The following TTLL6 variants were observed in gnomAD, a reference collection of about 807,000 sequenced individuals.
The protein encoded by TTLL6 is tubulin tyrosine ligase like 6, also known as tubulin polyglutamylase TTLL6.
A neutral mutation model predicts 96.4 loss-of-function variants in TTLL6; 75 were observed. That is an observed-to-expected ratio of 0.78 (90% CI 0.65 to 0.94). The LOEUF (loss-of-function observed/expected upper bound fraction) is 0.94. TTLL6 is among the 40% of genes least tolerant of loss of function. TTLL6 has a pLI of 0.00. For missense variants in TTLL6, 1,030 were observed against 1,093.0 expected (o/e 0.94, Z 0.81); for synonymous variants, 411 against 419.4 (o/e 0.98, Z 0.24).
At position 48,801,516 on chromosome 17, in the gene TTLL6, C is replaced by G; in HGVS notation, c.480+9G>C. On this transcript the variant is annotated intron_variant, in intron 4 of 15. Coordinates refer to ENST00000393382, the MANE Select transcript of TTLL6 (RefSeq NM_001130918.3). The stretch of plus-strand genomic sequence containing the variant: ...CACTTAAACCAAGGACCATCACTAG[C>G]CCAAATACCTGGTAACTTTTCATTT... 6.4e-7 allele frequency: 1 copy of G among 1,551,800 alleles called. No individual in the cohort carries two copies. Among genetic ancestry groups the G allele is most frequent in the Non-Finnish European group, 8.7e-7 (1 of 1,146,890 alleles).
chr17:48,779,631 TAAAC>T (rs937995509), intron 13 of TTLL6, among the ~76,000 whole-genome samples: 13 of 151,990 alleles, frequency 8.6e-5, no homozygotes, highest in African/African-American at 2.9e-4. Context: ...GACCATAAAA[TAAAC>T]AACCAAACAA....
intron 13 of TTLL6, among the ~76,000 whole-genome samples, chr17:48,776,971 G>A (rs2038884505): frequency 6.7e-6 from 1 of 148,946 alleles, no homozygotes; most frequent in Admixed American, 6.8e-5. Flanking sequence ...TTTCTATATA[G>A]GTTCAGTAAT....
rs149641326 is a variant in TTLL6 at position 48,785,056 on chromosome 17, G to C, written c.1907C>G (p.Ala636Gly). ...ASSVFPKLTS[A>G]KPFSSLPDLR... is the part of the protein sequence containing the mutation. ...ATCGGGTAGAGAACTGAAGGGCTTC[G>C]CAGACGTCAGCTTGGGGAAAACAGA... The change falls in exon 13 of 16, where the codon GCG becomes GGG. Residue 636 changes from alanine to glycine, a missense_variant. Ala to Gly is a moderately conservative substitution (Grantham distance 60). Transcript: ENST00000393382. 2.5e-6 allele frequency: 4 copies of C among 1,614,100 alleles called. No individual in the cohort carries two copies. The highest frequency in any genetic ancestry group is 2.5e-6 in the Non-Finnish European group (3 of 1,179,976).
chr17:48,805,447 A>C (rs958011512), intron 1 of TTLL6, among the ~76,000 whole-genome samples: 6 of 152,188 alleles, frequency 3.9e-5, no homozygotes, highest in Non-Finnish European at 8.8e-5. Flanking sequence ...CCTGAAAATA[A>C]ATGCAACTGC....
chr17:48,786,459 A>G, intron 11 of TTLL6, 124 bp from the exon 12 acceptor site: 1 of 1,092,604 alleles, frequency 9.2e-7, no homozygotes, highest in East Asian at 2.4e-5. Flanking sequence ...CTCCTCCAAC[A>G]TATCCAGTCT....
Position 48,797,104 on chromosome 17 carries a change from C to A in TTLL6, c.869G>T (p.Arg290Leu). ...RIFVYNEGLA[R>L]FATTSYSRPC... is the part of the protein sequence containing the mutation. ...GCGGGAGTAAGAGGTCGTCGCAAAG[C>A]GGGCCAGTCCTTCATTGTACACAAA... Residue 290 changes from arginine to leucine, a missense_variant, in exon 7 of 16, where the codon CGC (arginine) becomes CTC (leucine). Transcript: ENST00000393382. 1 of 1,551,396 alleles carries A rather than the reference C, an allele frequency of 6.4e-7. No homozygotes were observed.
intron 8 of TTLL6, among the ~76,000 whole-genome samples, chr17:48,795,392 G>T (rs2039299103): frequency 6.6e-6 from 1 of 151,450 alleles, no homozygotes; most frequent in African/African-American, 2.4e-5. Context: ...AAAGCACCAA[G>T]CACAGACCCC....
intron 13 of TTLL6, among the ~76,000 whole-genome samples, chr17:48,774,944 C>T (rs1257506325): frequency 1.3e-5 from 2 of 151,930 alleles, no homozygotes; most frequent in Non-Finnish European, 2.9e-5. Context: ...ACCAGCCTGG[C>T]CAACATGGTG....
rs567666960 is a variant in TTLL6, at chr17:48,799,917, C to T, written c.612-157G>A. 7.2e-5 allele frequency among the ~76,000 whole-genome samples: 11 copies of T among 152,320 alleles called. No homozygotes were observed. In the South Asian group the frequency reaches 2.3e-3, roughly 32 times the overall value. On this transcript the variant is annotated intron_variant, in intron 5 of 15. Coordinates refer to ENST00000393382, the MANE Select transcript of TTLL6 (RefSeq NM_001130918.3). ...GGTCCAGCAATGGGAGAGAGTAGAG[C>T]ACACGCAGTGGGGAGTGTGGGCTTC...
chr17:48,802,084 AAG>A (rs2039430923), intron 3 of TTLL6, among the ~76,000 whole-genome samples: 2 of 7,096 alleles, frequency 2.8e-4, no homozygotes, highest in African/African-American at 9.4e-4. Context: ...AAGAAAAAGA[AAG>A]AAAGAAAGAA....
chr17:48,794,559 A>T (rs1291989742), intron 8 of TTLL6, among the ~76,000 whole-genome samples: 2 of 152,186 alleles, frequency 1.3e-5, no homozygotes, highest in Non-Finnish European at 2.9e-5. Context: ...GAACGCAGCA[A>T]TGCAAGAGGC....
chr17:48,809,645 G>C (rs1424662884), intron 1 of TTLL6, among the ~76,000 whole-genome samples: 1 of 152,036 alleles, frequency 6.6e-6, no homozygotes, highest in East Asian at 1.9e-4. Flanking sequence ...GATTGCTTGA[G>C]CCCAGGAGTT....
At chr17:48,785,326 C>T (rs2039070572) in intron 12 of TTLL6, 125 bp from the exon 13 acceptor site, 2 of 1,383,262 alleles carry the variant, frequency 1.4e-6, no homozygotes, top group Admixed American at 2.3e-5. Context: ...ATAGTAAAGT[C>T]TCTCTAATGT....
intron 13 of TTLL6, among the ~76,000 whole-genome samples, 167 bp downstream of exon 13, chr17:48,784,756 C>A (rs1165510090): frequency 6.6e-6 from 1 of 152,192 alleles, no homozygotes; most frequent in Non-Finnish European, 1.5e-5. Flanking sequence ...AAATGCCGGT[C>A]CTCCCAGCAG....
intron 8 of TTLL6, 57 bp downstream of exon 8, chr17:48,796,004 A>G (rs2039309929): frequency 1.4e-6 from 2 of 1,416,722 alleles, no homozygotes; most frequent in African/African-American, 1.4e-5. Context: ...GTAGAATCCC[A>G]GAAAGCAGTT....
intron 13 of TTLL6, among the ~76,000 whole-genome samples, chr17:48,784,396 C>A (rs908875381): frequency 6.6e-6 from 1 of 151,848 alleles, no homozygotes; most frequent in Non-Finnish European, 1.5e-5. Flanking sequence ...CAGAGCCAGA[C>A]CTTGTCTCAA....
chr17:48,791,502 G>A lies in TTLL6; in HGVS notation c.1100C>T (p.Ala367Val). 6.2e-7 allele frequency: 1 copy of A among 1,614,212 alleles called. No homozygotes were observed. The highest frequency in any genetic ancestry group is 1.3e-5 in the African/African-American group (1 of 75,052). The change falls in exon 9 of 16, where the codon GCC (alanine) becomes GTC (valine). Residue 367 changes from alanine (A) to valine (V), a missense_variant. Ala to Val is a moderately conservative substitution (Grantham distance 64). Transcript: ENST00000393382. ...GTAGTTATGCCTGATGATGGGGTGG[G>A]CCGAGATGAGGGTCTTGATGATGAC... ...EDVIIKTLIS[A>V]HPIIRHNYHT... is the part of the protein sequence containing the mutation.
At chr17:48,796,193 C>T (rs112633488) in intron 7 of TTLL6, 47 bp from the exon 8 acceptor site, 6 of 1,447,772 alleles carry the variant, frequency 4.1e-6, no homozygotes, top group Non-Finnish European at 5.7e-6. Context: ...GAAGGGCAGG[C>T]CCCCTGCTTC....
chr17:48,783,526 G>A (rs1486725566), intron 13 of TTLL6, among the ~76,000 whole-genome samples: 1 of 151,824 alleles, frequency 6.6e-6, no homozygotes. Flanking sequence ...CCACCTACCG[G>A]GTTCAAGCAA....
Sources: gnomAD v4.1 joint callset for allele counts (sites outside exome capture counted in the v4.1 genomes callset) on GRCh38, gnomAD v4.1.1 for gene constraint, MANE v1.5 for transcripts, NCBI Gene and HGNC (gene_info 2026-07-23, HGNC 2026-07-21) for gene names.